Variants in MSH3 observed in about 807,000 individuals in gnomAD.
MSH3 encodes mutS homolog 3.
A neutral mutation model predicts 123.3 loss-of-function variants in MSH3; 106 were observed. The observed-to-expected ratio is 0.86, with a 90% CI of 0.73 to 1.01. The LOEUF is 1.01. Among genes scored for constraint, MSH3 ranks in the 50% least tolerant of loss-of-function variants. The pLI, the probability that MSH3 is intolerant of heterozygous loss-of-function variation, is 0.00. For synonymous variants in MSH3, 515 were observed against 481.4 expected (o/e 1.07, Z -0.91); for missense variants, 1,459 against 1,347.6 (o/e 1.08, Z -1.29).
Position 80,768,002 on chromosome 5 carries a change from A to G in MSH3, c.1966A>G (p.Ile656Val), listed in dbSNP as rs761101728. 6.2e-7 allele frequency: 1 copy of G among 1,613,654 alleles called. No homozygotes were observed. The highest frequency in any genetic ancestry group is 8.5e-7 in the Non-Finnish European group (1 of 1,179,648). The change falls in exon 14 of 24, where the codon ATA becomes GTA. Residue 656 changes from isoleucine (I) to valine (V), a missense_variant. Transcript: ENST00000265081. ...YHLKSEFQAI[I>V]PAVNSHIQSD... The stretch of plus-strand genomic sequence containing the variant: ...CCTAAAGTCAGAATTTCAAGCAATA[A>G]TACCTGCTGTTAATTCCCACATTCA...
chr5:80,678,821 T>C, intron 7 of MSH3, 106 bp from the exon 8 acceptor site: 1 of 1,243,094 alleles, frequency 8.0e-7, no homozygotes, highest in Non-Finnish European at 1.2e-6. Flanking sequence ...AGTACATACA[T>C]ACTCCTGAGT....
intron 3 of MSH3, 75 bp from the exon 4 acceptor site, chr5:80,670,021 AT>A: frequency 7.1e-7 from 1 of 1,398,640 alleles, no homozygotes; most frequent in Non-Finnish European, 1.0e-6. Flanking sequence ...TTTTTGCCAG[AT>A]TTGCATTTTC....
chr5:80,783,004 T>C (rs1177712181), intron 17 of MSH3, among the ~76,000 whole-genome samples: 1 of 152,262 alleles, frequency 6.6e-6, no homozygotes, highest in Non-Finnish European at 1.5e-5. Flanking sequence ...AGATGGACTG[T>C]GTATATTCAG....
chr5:80,743,958 A>G (rs1350080912), intron 11 of MSH3, among the ~76,000 whole-genome samples: 1 of 152,136 alleles, frequency 6.6e-6, no homozygotes, highest in Non-Finnish European at 1.5e-5. Flanking sequence ...GTTAAAATTA[A>G]TTATGTCTAG....
rs981584300 is a variant in MSH3 at position 80,674,899 on chromosome 5, G to T, written c.1028-84G>T. 1.4e-5 allele frequency: 17 copies of T among 1,206,710 alleles called. No individual in the cohort carries two copies. In the Admixed American group the frequency reaches 1.8e-4, roughly 13 times the overall value. The allele number at this position is 1,206,710 out of a possible 1,614,324, so 74.8% of individuals were successfully genotyped here. On this transcript the variant is annotated intron_variant, in intron 6 of 23. Coordinates refer to ENST00000265081, the MANE Select transcript of MSH3 (RefSeq NM_002439.5). ...CTGGCTGTGAACCATTATTTTAAAG[G>T]AGAAAATAGTTAATATTATTGGAAA... is the stretch of plus-strand genomic sequence containing the variant.
chr5:80,776,317 A>T (rs1403338789), intron 16 of MSH3, among the ~76,000 whole-genome samples: 1 of 152,150 alleles, frequency 6.6e-6, no homozygotes, highest in Admixed American at 6.6e-5. Flanking sequence ...TTATTGCTTT[A>T]TTTTTATAGC....
At chr5:80,788,801 T>TC (rs1744558794) in intron 18 of MSH3, among the ~76,000 whole-genome samples, 2 of 133,036 alleles carry the variant, frequency 1.5e-5, no homozygotes, top group South Asian at 4.7e-4. Context: ...AGAGCCTGTC[T>TC]CAAAAAAAAA....
At chr5:80,820,690 G>A (rs1745190362) in intron 20 of MSH3, among the ~76,000 whole-genome samples, 1 of 152,160 alleles carries the variant, frequency 6.6e-6, no homozygotes, top group South Asian at 2.1e-4. Context: ...GCTTAACTAA[G>A]TTTTGCCACA....
intron 23 of MSH3, 74 bp downstream of exon 23, chr5:80,873,361 C>A: frequency 6.8e-7 from 1 of 1,473,904 alleles, no homozygotes; most frequent in Non-Finnish European, 9.4e-7. Flanking sequence ...GAGGAGCGTC[C>A]TAAAAATGAA....
At chr5:80,845,598 T>TAA in intron 20 of MSH3, among the ~76,000 whole-genome samples, 2 of 152,336 alleles carry the variant, frequency 1.3e-5, no homozygotes, top group Middle Eastern at 3.4e-3. Context: ...CTTTGTTGAT[T>TAA]TCTTTTCACT....
At chr5:80,817,752 C>G (rs552252008) in intron 20 of MSH3, among the ~76,000 whole-genome samples, 50 of 152,028 alleles carry the variant, frequency 3.3e-4, no homozygotes, top group Non-Finnish European at 5.9e-4. Flanking sequence ...GCCAATAAAC[C>G]AAGCAGGAAT....
intron 10 of MSH3, among the ~76,000 whole-genome samples, chr5:80,736,036 G>A (rs1479457526): frequency 2.0e-5 from 3 of 152,102 alleles, no homozygotes; most frequent in African/African-American, 7.2e-5. Flanking sequence ...GACCAGCCTG[G>A]CCAACATGGT....
intron 19 of MSH3, among the ~76,000 whole-genome samples, chr5:80,809,392 T>C (rs960388280): frequency 2.0e-5 from 3 of 152,190 alleles, no homozygotes; most frequent in Admixed American, 1.3e-4. Context: ...AATTATTGAT[T>C]CTTATTGTGT....
intron 10 of MSH3, among the ~76,000 whole-genome samples, chr5:80,735,217 C>T (rs1743482681): frequency 6.6e-6 from 1 of 151,970 alleles, no homozygotes; most frequent in East Asian, 1.9e-4. Flanking sequence ...AACCCCGTCT[C>T]TACTGAAAAT....
chr5:80,779,981 G>A (rs559775008), intron 17 of MSH3, among the ~76,000 whole-genome samples: 1 of 152,244 alleles, frequency 6.6e-6, no homozygotes, highest in South Asian at 2.1e-4. Context: ...TGTTGCATTT[G>A]GTAATTATGC....
chr5:80,828,012 C>T (rs1257064798), intron 20 of MSH3, among the ~76,000 whole-genome samples: 1 of 152,134 alleles, frequency 6.6e-6, no homozygotes, highest in African/African-American at 2.4e-5. Flanking sequence ...TTTTCAGCAT[C>T]CCCCACCAGA....
chr5:80,764,641 G>A (rs374342040), intron 13 of MSH3, among the ~76,000 whole-genome samples: 2 of 152,006 alleles, frequency 1.3e-5, no homozygotes, highest in Non-Finnish European at 2.9e-5. Flanking sequence ...GGGATTACGG[G>A]TGTGAGCCAC....
chr5:80,800,323 C>A (rs932343754), intron 19 of MSH3, among the ~76,000 whole-genome samples: 2 of 152,184 alleles, frequency 1.3e-5, no homozygotes, highest in African/African-American at 4.8e-5. Context: ...TTGGTGCTAG[C>A]CCAGCTTTGG....
intron 8 of MSH3, among the ~76,000 whole-genome samples, chr5:80,704,867 C>A (rs1253062361): frequency 6.6e-6 from 1 of 152,124 alleles, no homozygotes; most frequent in Non-Finnish European, 1.5e-5. Context: ...GCTTTGGGCT[C>A]CAGCTACATC....
Sources: allele counts gnomAD v4.1 joint callset (sites outside exome capture counted in the v4.1 genomes callset), GRCh38; gene constraint gnomAD v4.1.1; transcripts MANE v1.5; gene names NCBI Gene and HGNC (gene_info 2026-07-23, HGNC 2026-07-21).